The following NELL1 variants were observed in gnomAD, a reference collection of about 807,000 sequenced individuals.
NELL1 encodes neural EGFL like 1, also known as protein kinase C-binding protein NELL1.
NELL1 carries 76 observed loss-of-function variants against 107.4 expected under a neutral mutation model. That is an observed-to-expected ratio of 0.71 (90% CI 0.59 to 0.86). NELL1 has a LOEUF of 0.86. NELL1 is among the 40% of genes least tolerant of loss of function. The pLI is 0.00. For synonymous variants in NELL1, 353 were observed against 341.2 expected (o/e 1.03, Z -0.38); for missense variants, 1,024 against 1,005.5 (o/e 1.02, Z -0.25).
chr11:21,272,073 T>G (rs1848750813), intron 14 of NELL1, among the ~76,000 whole-genome samples: 1 of 152,124 alleles, frequency 6.6e-6, no homozygotes, highest in Admixed American at 6.5e-5. Context: ...GTGGGTGCAG[T>G]GCACCGAGCA....
intron 14 of NELL1, among the ~76,000 whole-genome samples, chr11:21,244,942 T>G (rs2133902662): frequency 6.6e-6 from 1 of 152,268 alleles, no homozygotes; most frequent in African/African-American, 2.4e-5. Flanking sequence ...CTCCATGGAT[T>G]GTTTTTAAGA....
At chr11:20,700,350 G>C (rs551668373) in intron 2 of NELL1, among the ~76,000 whole-genome samples, 2 of 151,860 alleles carry the variant, frequency 1.3e-5, no homozygotes, top group African/African-American at 4.8e-5. Context: ...ATGGTGGCAC[G>C]TGCCTGTAGT....
At chr11:20,875,943 T>C (rs1011410764) in intron 4 of NELL1, among the ~76,000 whole-genome samples, 1 of 152,222 alleles carries the variant, frequency 6.6e-6, no homozygotes, top group Non-Finnish European at 1.5e-5. Context: ...ACACGCAGGC[T>C]TGATCTCTGA....
chr11:20,796,095 C>T (rs1156412849), intron 3 of NELL1, among the ~76,000 whole-genome samples: 1 of 152,158 alleles, frequency 6.6e-6, no homozygotes, highest in Non-Finnish European at 1.5e-5. Flanking sequence ...GTCCTCATGG[C>T]TGCTTTAGAT....
chr11:21,236,931 C>T (rs1858222784), intron 14 of NELL1, among the ~76,000 whole-genome samples: 1 of 152,094 alleles, frequency 6.6e-6, no homozygotes, highest in Non-Finnish European at 1.5e-5. Context: ...CTAATGTAAA[C>T]AAAGTTTTAC....
chr11:21,335,369 G>A (rs371210835), intron 14 of NELL1, among the ~76,000 whole-genome samples: 66 of 152,002 alleles, frequency 4.3e-4, no homozygotes, highest in Middle Eastern at 6.8e-3. Context: ...TATTACTTGT[G>A]TCAGTACCTG....
chr11:21,334,179 G>C (rs1192139250), intron 14 of NELL1, among the ~76,000 whole-genome samples: 1 of 151,950 alleles, frequency 6.6e-6, no homozygotes, highest in Non-Finnish European at 1.5e-5. Flanking sequence ...ACAAACATTA[G>C]AGCATAAAAA....
chr11:21,129,460 T>C (rs1253976180), intron 13 of NELL1, among the ~76,000 whole-genome samples: 1 of 152,164 alleles, frequency 6.6e-6, no homozygotes, highest in African/African-American at 2.4e-5. Flanking sequence ...ATTTGCACAC[T>C]CATATTCATG....
chr11:21,510,695 C>A (rs1383082330), intron 15 of NELL1, among the ~76,000 whole-genome samples: 3 of 152,082 alleles, frequency 2.0e-5, no homozygotes, highest in African/African-American at 7.2e-5. Context: ...GTTTTGAACT[C>A]TATTAAGAGT....
chr11:21,528,904 G>A (rs899542225), intron 15 of NELL1, among the ~76,000 whole-genome samples: 2 of 151,854 alleles, frequency 1.3e-5, no homozygotes, highest in Non-Finnish European at 2.9e-5. Flanking sequence ...ATTAGTGCTG[G>A]GTTTTTTTCC....
chr11:21,195,072 A>G (rs1857124728), intron 13 of NELL1, among the ~76,000 whole-genome samples: 1 of 152,126 alleles, frequency 6.6e-6, no homozygotes, highest in Non-Finnish European at 1.5e-5. Flanking sequence ...TCTGAGCTTC[A>G]TTTTTCACTG....
chr11:20,984,136 A>G (rs879173873), intron 12 of NELL1, among the ~76,000 whole-genome samples: 1 of 152,082 alleles, frequency 6.6e-6, no homozygotes, highest in Admixed American at 6.6e-5. Context: ...AGGATCATGT[A>G]TCTCTCCTTT....
chr11:21,540,321 C>T (rs1856259646), intron 16 of NELL1, among the ~76,000 whole-genome samples: 1 of 152,110 alleles, frequency 6.6e-6, no homozygotes, highest in Non-Finnish European at 1.5e-5. Context: ...TGACCAACCT[C>T]TCTTTAACAC....
At chr11:21,357,070 TG>T (rs1850950518) in intron 14 of NELL1, among the ~76,000 whole-genome samples, 1 of 152,222 alleles carries the variant, frequency 6.6e-6, no homozygotes, top group South Asian at 2.1e-4. Flanking sequence ...GCATTTAGGC[TG>T]GTTCCATATT....
At chr11:21,360,911 T>C (rs1022200666) in intron 14 of NELL1, among the ~76,000 whole-genome samples, 1 of 152,194 alleles carries the variant, frequency 6.6e-6, no homozygotes, top group African/African-American at 2.4e-5. Context: ...CTATCCATTC[T>C]GCCATTCTGC....
At chr11:21,121,217 G>C (rs1237667492) in intron 13 of NELL1, among the ~76,000 whole-genome samples, 1 of 152,146 alleles carries the variant, frequency 6.6e-6, no homozygotes, top group Non-Finnish European at 1.5e-5. Flanking sequence ...AATGGGAAGG[G>C]ATATGAATTG....
chr11:21,239,833 C>A (rs995465036), intron 14 of NELL1, among the ~76,000 whole-genome samples: 4 of 151,990 alleles, frequency 2.6e-5, no homozygotes, highest in Non-Finnish European at 5.9e-5. Context: ...GCAGGGCTGG[C>A]ATCTTCTCAC....
chr11:20,790,743 A>G (rs2133990480), intron 3 of NELL1, among the ~76,000 whole-genome samples: 1 of 152,280 alleles, frequency 6.6e-6, no homozygotes, highest in Non-Finnish European at 1.5e-5. Context: ...CTGGGTCTGT[A>G]GCTGCAAGTG....
intron 14 of NELL1, among the ~76,000 whole-genome samples, chr11:21,282,751 A>T (rs187925926): frequency 1.3e-5 from 2 of 152,322 alleles, no homozygotes; most frequent in Admixed American, 1.3e-4. Flanking sequence ...TAGTCACAAT[A>T]GCCAAGATAT....
Sources: gnomAD v4.1 joint callset for allele counts (sites outside exome capture counted in the v4.1 genomes callset) on GRCh38, gnomAD v4.1.1 for gene constraint, MANE v1.5 for transcripts, NCBI Gene and HGNC (gene_info 2026-07-23, HGNC 2026-07-21) for gene names.